Variants in TRPM4 observed in about 807,000 individuals in gnomAD.
TRPM4 encodes the protein transient receptor potential cation channel subfamily M member 4.
A neutral mutation model predicts 135.6 loss-of-function variants in TRPM4; 124 were observed. The ratio of observed to expected loss-of-function variants is 0.91; its 90% CI spans 0.79 to 1.06. The LOEUF is 1.06. Among genes scored for constraint, TRPM4 ranks in the 50% least tolerant of loss-of-function variants. TRPM4 has a pLI of 0.00. For synonymous variants in TRPM4, 745 were observed against 705.6 expected, an observed-to-expected ratio of 1.06 and a Z score of -0.88; for missense variants, 1,658 against 1,671.4, an observed-to-expected ratio of 0.99 and a Z score of 0.14.
At position 49,196,454 on chromosome 19, in the gene TRPM4, C is replaced by T; in HGVS notation, c.2225C>T (p.Ala742Val). 1 of 1,546,398 alleles carries T rather than the reference C, an allele frequency of 6.5e-7. No individual in the cohort carries two copies. The highest frequency in any genetic ancestry group is 2.4e-5 in the East Asian group (1 of 41,694). The change falls in exon 17 of 25, where the codon GCC becomes GTC. Residue 742 changes from alanine to valine, a missense_variant. Coordinates refer to ENST00000252826, the MANE Select transcript of TRPM4 (RefSeq NM_017636.4). ...GEGPVGTADP[A>V]EKTPLGVPRQ... ...TTCCCCCACAGGACGGCGGACCCAGCCGAGAAGACGCCGCTGGGGGTCCCG... is the reference window on the plus strand; with the variant it reads ...TTCCCCCACAGGACGGCGGACCCAGTCGAGAAGACGCCGCTGGGGGTCCCG...
In TRPM4 at chr19:49,210,417, G is replaced by A; in HGVS notation, c.3328+12G>A. On this transcript the variant is annotated intron_variant, in intron 21 of 24. Coordinates refer to ENST00000252826, the MANE Select transcript of TRPM4 (RefSeq NM_017636.4). The surrounding 1 kb of genome is among the most constrained non-coding windows in gnomAD (Gnocchi z 4.1). ...CCTCGAGCATTTCCGTAAGAACAGA[G>A]CTTGGCTTAAAAAGGAGAAATATAG... 1 of 1,612,298 alleles carries A rather than the reference G, an allele frequency of 6.2e-7. No individual in the cohort carries two copies. Among genetic ancestry groups the A allele is most frequent in the Non-Finnish European group, 8.5e-7 (1 of 1,179,924 alleles).
intron 12 of TRPM4, among the ~76,000 whole-genome samples, chr19:49,188,345 C>T (rs377275711): frequency 2.6e-5 from 4 of 152,108 alleles, no homozygotes; most frequent in East Asian, 1.9e-4. Context: ...GGATTATAGT[C>T]GTGAGCCACT....
At chr19:49,202,353 T>A (rs1968968662) in intron 20 of TRPM4, among the ~76,000 whole-genome samples, 1 of 152,146 alleles carries the variant, frequency 6.6e-6, no homozygotes, top group Admixed American at 6.5e-5. Flanking sequence ...TCCTTATTTG[T>A]ATTTTTTTGA....
rs768635130 is a variant in TRPM4 at position 49,166,137 on chromosome 19, C to T, written c.189C>T (p.Ser63=). ...CAGCCGTGGTGACCGTGTGGGACAGCGATGCACACACCACGGAGAAGCCCA... is the reference window on the plus strand; with the variant it reads ...CAGCCGTGGTGACCGTGTGGGACAGTGATGCACACACCACGGAGAAGCCCA... ...FGAAVVTVWD[S]DAHTTEKPTD... Residue 63 remains serine (S), a synonymous_variant, in exon 3 of 25, where the codon AGC becomes AGT. Coordinates refer to ENST00000252826, the MANE Select transcript of TRPM4 (RefSeq NM_017636.4). 4 of 1,607,368 alleles carry T rather than the reference C, an allele frequency of 2.5e-6. No homozygotes were observed. In the African/African-American group the frequency reaches 4.0e-5, roughly 16 times the overall value.
In TRPM4 at chr19:49,171,630, C is replaced by T; in HGVS notation, c.911C>T (p.Ser304Leu). ...AQLPCLLVAGSGGAADCLAET... is the reference protein window; with the variant it reads ...AQLPCLLVAGLGGAADCLAET... ...CTCCCATGTCTCCTCGTGGCTGGCT[C>T]AGGGGGAGCTGCGGACTGCCTGGCG... Residue 304 changes from serine to leucine, a missense_variant, in exon 8 of 25, where the codon TCA becomes TTA. Physicochemically the swap from Ser to Leu is moderately radical, Grantham distance 145. Transcript: ENST00000252826. This position sits in a 1 kb window ranked among gnomAD's most constrained non-coding sequence, Gnocchi z 4.7. 6.2e-7 allele frequency: 1 copy of T among 1,613,988 alleles called. No homozygotes were observed. Among genetic ancestry groups the T allele is most frequent in the South Asian group, 1.1e-5 (1 of 91,090 alleles).
At chr19:49,208,664 C>A (rs1404981487) in intron 20 of TRPM4, among the ~76,000 whole-genome samples, 1 of 151,980 alleles carries the variant, frequency 6.6e-6, no homozygotes, top group African/African-American at 2.4e-5. Flanking sequence ...ATAATCATAT[C>A]TATGATCTAT....
At chr19:49,183,775 CTTTTTTT>C (rs112249914) in intron 12 of TRPM4, among the ~76,000 whole-genome samples, 46,055 of 124,140 alleles carry the variant, frequency 0.37, 7,532 homozygotes, top group Middle Eastern at 0.46. Flanking sequence ...TTTTCTTTTT[CTTTTTTT>C]TTTTTTTTTG....
At chr19:49,163,454 A>G (rs938677989) in intron 2 of TRPM4, among the ~76,000 whole-genome samples, 1 of 151,588 alleles carries the variant, frequency 6.6e-6, no homozygotes, top group Non-Finnish European at 1.5e-5. Context: ...TTGGCCTCCC[A>G]AAGTGCTGGG....
At chr19:49,189,151 G>A (rs1968315995) in intron 14 of TRPM4, 60 bp downstream of exon 14, 2 of 1,609,758 alleles carry the variant, frequency 1.2e-6, no homozygotes. Context: ...GGAAGTATGG[G>A]GATGAGCCCC....
chr19:49,210,625 G>T lies in TRPM4; in HGVS notation c.3329-85G>T. The stretch of plus-strand genomic sequence containing the variant: ...CACCAGGGGCTGGGTCTGGGATAGC[G>T]TGCGTGTTCTGAGGGTGTCGGAAGG... On this transcript the variant is annotated intron_variant, in intron 21 of 24. Transcript: ENST00000252826. The surrounding 1 kb of genome is among the most constrained non-coding windows in gnomAD (Gnocchi z 4.1). The T allele has an allele frequency of 6.2e-7, 1 of 1,600,954 alleles. No homozygotes were observed.
At position 49,210,429 on chromosome 19, in the gene TRPM4, A is replaced by G. The variant is rs1411121338; in HGVS notation, c.3328+24A>G. ...CCGTAAGAACAGAGCTTGGCTTAAA[A>G]AGGAGAAATATAGGGGACCGGGAGC... On this transcript the variant is annotated intron_variant, in intron 21 of 24. Coordinates refer to ENST00000252826, the MANE Select transcript of TRPM4 (RefSeq NM_017636.4). The surrounding 1 kb of genome is among the most constrained non-coding windows in gnomAD (Gnocchi z 4.1). 3 of 1,610,138 alleles carry G rather than the reference A, an allele frequency of 1.9e-6. No individual in the cohort carries two copies. Among genetic ancestry groups the G allele is most frequent in the Non-Finnish European group, 2.5e-6 (3 of 1,179,336 alleles).
chr19:49,174,776 C>A (rs1290266017), intron 9 of TRPM4, among the ~76,000 whole-genome samples: 2 of 149,828 alleles, frequency 1.3e-5, no homozygotes, highest in African/African-American at 4.9e-5. Context: ...AATAAATAAA[C>A]CAAATAAACT....
intron 6 of TRPM4, among the ~76,000 whole-genome samples, chr19:49,169,749 G>A (rs1967382488): frequency 6.6e-6 from 1 of 151,876 alleles, no homozygotes; most frequent in Non-Finnish European, 1.5e-5. Context: ...TGTAGAGACA[G>A]GGTTTTGCCA....
intron 12 of TRPM4, among the ~76,000 whole-genome samples, chr19:49,186,416 C>A (rs1968197882): frequency 6.6e-6 from 1 of 152,162 alleles, no homozygotes; most frequent in African/African-American, 2.4e-5. Flanking sequence ...TGCATCTAGC[C>A]GTCTGGATTT....
Position 49,203,379 on chromosome 19 carries a change from C to G in TRPM4, c.3131+1238C>G, listed in dbSNP as rs181583075. ...TATTTTTAGTAGAGATGGGGTTTCACCGTGTTAGCCAGGATGGTTTCGATC... is the reference window on the plus strand; with the variant it reads ...TATTTTTAGTAGAGATGGGGTTTCAGCGTGTTAGCCAGGATGGTTTCGATC... On this transcript the variant is annotated intron_variant, in intron 20 of 24. Coordinates refer to ENST00000252826, the MANE Select transcript of TRPM4 (RefSeq NM_017636.4). Among the ~76,000 whole-genome samples the G allele has an allele frequency of 3.3e-5, 5 of 152,066 alleles. No individual in the cohort carries two copies. The East Asian group carries it at 7.7e-4, about 24-fold the overall frequency.
chr19:49,168,381 CT>C lies in TRPM4; in HGVS notation c.571del (p.Trp191GlyfsTer87), dbSNP rs745654321. The C allele has an allele frequency of 1.2e-6, 2 of 1,614,082 alleles. No individual in the cohort carries two copies. The highest frequency in any genetic ancestry group is 4.5e-5 in the East Asian group (2 of 44,878). ...TKVVAMGVAP[W>X]GVVRNRDTLI... is the part of the protein sequence containing the mutation. ...AGGTGGTGGCCATGGGTGTGGCCCC[CT>C]GGGGTGTGGTCCGGAATAGAGACAC... On this transcript the variant is annotated frameshift_variant, in exon 5 of 25. Transcript: ENST00000252826. LOFTEE classifies it high-confidence loss of function.
At chr19:49,158,028 AGGGCATGG>A (rs919929865) in intron 1 of TRPM4, 138 bp downstream of exon 1, 5 of 1,284,168 alleles carry the variant, frequency 3.9e-6, no homozygotes, top group Non-Finnish European at 5.5e-6. Context: ...TCCAGGGTCC[AGGGCATGG>A]GGGTCGAGAC....
At position 49,182,738 on chromosome 19, in the gene TRPM4, A is replaced by G. The variant is rs768896988; in HGVS notation, c.1424A>G (p.Asn475Ser). The G allele has an allele frequency of 1.4e-5, 22 of 1,614,000 alleles. No homozygotes were observed. The highest frequency in any genetic ancestry group is 1.7e-5 in the Non-Finnish European group (20 of 1,179,930). The change falls in exon 11 of 25, where the codon AAC becomes AGC. Residue 475 changes from asparagine to serine, a missense_variant. This residue lies in a region of TRPM4 where 1,412 missense variants were observed against 1,408.7 expected (regional missense o/e 1.00). Coordinates refer to ENST00000252826, the MANE Select transcript of TRPM4 (RefSeq NM_017636.4). ...GCGCCCTCCAACTCGCTCATCCGCA[A>G]CCTTTTGGACCAGGCGTCCCACAGC... ...SAAPSNSLIRNLLDQASHSAG... is the reference protein window; with the variant it reads ...SAAPSNSLIRSLLDQASHSAG...
chr19:49,178,238 G>C (rs557003075), intron 9 of TRPM4, among the ~76,000 whole-genome samples: 1 of 152,106 alleles, frequency 6.6e-6, no homozygotes, highest in Non-Finnish European at 1.5e-5. Context: ...CAGGAGGATC[G>C]CTTGAGCCTG....
Sources: gnomAD v4.1 joint callset for allele counts (sites outside exome capture counted in the v4.1 genomes callset) on GRCh38, gnomAD v4.1.1 for gene constraint, gnomAD v4.1.1 regional missense constraint, Gnocchi (gnomAD v3.1) non-coding constraint, MANE v1.5 for transcripts, NCBI Gene and HGNC (gene_info 2026-07-23, HGNC 2026-07-21) for gene names.